Variants in KIF15 observed in about 807,000 individuals in gnomAD.
The protein encoded by KIF15 is kinesin-like protein KIF15.
Under a neutral mutation model 190.6 loss-of-function variants are expected in KIF15, and 140 were observed. The ratio of observed to expected loss-of-function variants is 0.73; its 90% confidence interval spans 0.64 to 0.84. The LOEUF (loss-of-function observed/expected upper bound fraction) is 0.84. KIF15 is among the 40% of genes least tolerant of loss of function. The probability of loss-of-function intolerance (pLI) is 0.00; values close to 1 mark genes in which losing one functional copy is unlikely to be tolerated. For missense variants in KIF15, 1,372 were observed against 1,584.4 expected (o/e 0.87, Z 2.28); for synonymous variants, 528 against 551.3 (o/e 0.96, Z 0.59).
At position 44,801,727 on chromosome 3, in the gene KIF15, T is replaced by C. The variant is rs765305527; in HGVS notation, c.1300-38T>C. 32 of 1,323,354 alleles carry C rather than the reference T, an allele frequency of 2.4e-5. No homozygotes were observed. The South Asian group carries it at 3.6e-4, about 15-fold the overall frequency. 82.0% of individuals were successfully genotyped at this position (1,323,354 alleles called of 1,614,324 possible). A position where few individuals can be genotyped will look rare whatever the true frequency, so the allele number is the denominator to read the frequency against. On this transcript the variant is annotated intron_variant, in intron 12 of 34. Coordinates refer to ENST00000326047, the MANE Select transcript of KIF15 (RefSeq NM_020242.3). The stretch of plus-strand genomic sequence containing the variant: ...TTACGAAAATTTAGGGAAGTCAAAT[T>C]ATTTTTCATGTTTAACCAAATTATG...
chr3:44,841,891 C>T (rs1448763260), intron 29 of KIF15, among the ~76,000 whole-genome samples: 3 of 152,186 alleles, frequency 2.0e-5, no homozygotes, highest in African/African-American at 7.2e-5. Flanking sequence ...ATAACCACAT[C>T]GCTAAGCATT....
rs575617811 is a variant in KIF15 at position 44,798,429 on chromosome 3, G to A, written c.1098+473G>A. ...CACCCAGGCTAGAGTGCAGTGGTGC[G>A]ATCTCTGCTCAGCTGGGACTACAGG... is the stretch of plus-strand genomic sequence containing the variant. On this transcript the variant is annotated intron_variant, in intron 10 of 34. Transcript: ENST00000326047. 1.4e-4 allele frequency among the ~76,000 whole-genome samples: 21 copies of A among 151,764 alleles called. No homozygotes were observed. In the East Asian group the frequency reaches 2.9e-3, roughly 21 times the overall value.
At chr3:44,821,343 C>T (rs1389019785) in intron 20 of KIF15, among the ~76,000 whole-genome samples, 6 of 151,604 alleles carry the variant, frequency 4.0e-5, no homozygotes, top group East Asian at 3.9e-4. Context: ...GGCTGCGGGG[C>T]GGTGACGCTC....
At chr3:44,788,591 A>G (rs1706521856) in intron 7 of KIF15, among the ~76,000 whole-genome samples, 1 of 151,974 alleles carries the variant, frequency 6.6e-6, no homozygotes, top group African/African-American at 2.4e-5. Flanking sequence ...AGTAGCTGAG[A>G]CTGCAAGTGC....
intron 6 of KIF15, among the ~76,000 whole-genome samples, chr3:44,858,910 G>T (rs150498713): frequency 6.6e-6 from 1 of 152,322 alleles, no homozygotes; most frequent in African/African-American, 2.4e-5. Flanking sequence ...ACGGTCCAGG[G>T]GGCCTCCAAG....
intron 7 of KIF15, among the ~76,000 whole-genome samples, chr3:44,791,583 C>T (rs1320863615): frequency 3.9e-5 from 6 of 152,214 alleles, no homozygotes. Context: ...GTCTCCCAAT[C>T]TATGAACACT....
At position 44,812,168 on chromosome 3, in the gene KIF15, T is replaced by TA; in HGVS notation, c.2170-14_2170-13insA. On this transcript the variant is annotated splice_polypyrimidine_tract_variant and intron_variant, in intron 17 of 34. Transcript: ENST00000326047. Reference sequence around the variant, plus strand: ...TTAAAATAAATTTTGATGACTGAAGTTTTTGTGTTGCAGGAACAAATGAGT... The same window carrying TA: ...TTAAAATAAATTTTGATGACTGAAGTATTTTGTGTTGCAGGAACAAATGAGT... 1 of 1,581,100 alleles carries TA rather than the reference T, an allele frequency of 6.3e-7. No homozygotes were observed. The highest frequency in any genetic ancestry group is 8.6e-7 in the Non-Finnish European group (1 of 1,156,498).
At chr3:44,835,906 G>T (rs1000151852) in intron 26 of KIF15, among the ~76,000 whole-genome samples, 1 of 152,132 alleles carries the variant, frequency 6.6e-6, no homozygotes, top group Admixed American at 6.5e-5. Flanking sequence ...CATCATAGAA[G>T]TACTAGAAAA....
chr3:44,796,690 T>C (rs1196971913), intron 8 of KIF15, among the ~76,000 whole-genome samples: 1 of 152,224 alleles, frequency 6.6e-6, no homozygotes, highest in East Asian at 1.9e-4. Context: ...TTTCAAAATA[T>C]GCTACCTACA....
intron 8 of KIF15, among the ~76,000 whole-genome samples, 176 bp from the exon 9 acceptor site, chr3:44,797,375 A>G (rs1707038134): frequency 6.6e-6 from 1 of 152,160 alleles, no homozygotes; most frequent in South Asian, 2.1e-4. Context: ...CAAATAGGAA[A>G]AGGTTAGGGA....
At chr3:44,835,543 C>T (rs1559581249) in intron 26 of KIF15, among the ~76,000 whole-genome samples, 1 of 152,022 alleles carries the variant, frequency 6.6e-6, no homozygotes, top group Admixed American at 6.6e-5. Context: ...CATGCCTGGC[C>T]TCAAATCCCA....
At chr3:44,789,692 A>AT in intron 7 of KIF15, among the ~76,000 whole-genome samples, 3 of 128,478 alleles carry the variant, frequency 2.3e-5, no homozygotes, top group South Asian at 2.5e-4. Context: ...ATATATATAT[A>AT]AAATAGATAC....
intron 19 of KIF15, among the ~76,000 whole-genome samples, chr3:44,814,629 A>G (rs142502387): frequency 5.9e-4 from 90 of 152,282 alleles, no homozygotes; most frequent in African/African-American, 2.2e-3. Context: ...GGAGTTTTGA[A>G]GCACATTTTA....
chr3:44,831,317 T>G (rs554841338), intron 26 of KIF15, among the ~76,000 whole-genome samples: 1 of 152,256 alleles, frequency 6.6e-6, no homozygotes, highest in East Asian at 1.9e-4. Context: ...GAGATAGTAT[T>G]TGTATACTAC....
downstream of KIF15, among the ~76,000 whole-genome samples, chr3:44,857,440 CAA>C (rs1559600136): frequency 6.6e-6 from 1 of 152,160 alleles, no homozygotes; most frequent in Non-Finnish European, 1.5e-5. Context: ...GTTGTTTGGA[CAA>C]AAAGGCTATG....
At chr3:44,795,012 T>A (rs1393636418) in intron 8 of KIF15, among the ~76,000 whole-genome samples, 2 of 152,092 alleles carry the variant, frequency 1.3e-5, no homozygotes, top group Non-Finnish European at 2.9e-5. Context: ...CATACCAAGC[T>A]AAGTGTTTTG....
chr3:44,829,552 ATATATTATATATG>A lies in KIF15; in HGVS notation c.2944-413_2944-401del, dbSNP rs1477331913. ...TATAATATGTATATATTATATATGT[ATATATTATATATG>A]TATATATTATATATGTATATATTAT... On this transcript the variant is annotated intron_variant, in intron 24 of 34. Coordinates refer to ENST00000326047, the MANE Select transcript of KIF15 (RefSeq NM_020242.3). 5.0e-5 allele frequency among the ~76,000 whole-genome samples: 6 copies of A among 121,142 alleles called. No homozygotes were observed. The South Asian group carries it at 6.9e-4, about 14-fold the overall frequency. 79.5% of individuals were successfully genotyped at this position (121,142 alleles called of 152,430 possible). A position where few individuals can be genotyped will look rare whatever the true frequency, so the allele number is the denominator to read the frequency against.
intron 10 of KIF15, among the ~76,000 whole-genome samples, chr3:44,798,619 G>A (rs369531070): frequency 1.3e-5 from 2 of 152,040 alleles, no homozygotes; most frequent in South Asian, 2.1e-4. Flanking sequence ...GCCCAGGCTC[G>A]TCTCAAACTC....
At chr3:44,823,075 G>A (rs1697438405) in intron 20 of KIF15, among the ~76,000 whole-genome samples, 1 of 152,200 alleles carries the variant, frequency 6.6e-6, no homozygotes, top group East Asian at 1.9e-4. Flanking sequence ...ATCCTTTGGA[G>A]GAGAAGAGGC....
Sources: allele counts gnomAD v4.1 joint callset (sites outside exome capture counted in the v4.1 genomes callset), GRCh38; gene constraint gnomAD v4.1.1; transcripts MANE v1.5; gene names NCBI Gene and HGNC (gene_info 2026-07-23, HGNC 2026-07-21).